Variants in ACSL6 observed in about 807,000 individuals in gnomAD.
ACSL6 encodes acyl-CoA synthetase long chain family member 6, also known as long-chain-fatty-acid--CoA ligase 6.
A neutral mutation model predicts 98.2 loss-of-function variants in ACSL6; 47 were observed. The ratio of observed to expected loss-of-function variants is 0.48; its 90% CI spans 0.38 to 0.61. ACSL6 has a LOEUF of 0.61. Among genes scored for constraint, ACSL6 ranks in the 20% least tolerant of loss-of-function variants. The probability of loss-of-function intolerance (pLI) is 0.00; values close to 1 mark genes in which losing one functional copy is unlikely to be tolerated. For missense variants in ACSL6, 761 were observed against 913.4 expected (o/e 0.83, Z 2.15); for synonymous variants, 362 against 336.9 (o/e 1.07, Z -0.82).
chr5:132,010,948 C>T (rs247000), intron 1 of ACSL6, among the ~76,000 whole-genome samples: 55,993 of 151,936 alleles, frequency 0.37, 11,592 homozygotes, highest in South Asian at 0.66. Context: ...ACAGTGGAGA[C>T]ACAGCAGCCC....
intron 1 of ACSL6, chr5:132,003,566 G>A (rs1246508097): frequency 1.3e-5 from 2 of 152,394 alleles, no homozygotes; most frequent in East Asian, 1.9e-4. Context: ...CACATGAAAG[G>A]GTTTGTATTC....
chr5:131,976,214 G>T (rs1241698223), intron 10 of ACSL6: 1 of 985,274 alleles, frequency 1.0e-6, no homozygotes, highest in Non-Finnish European at 1.2e-6. Flanking sequence ...ATTAGCAGTT[G>T]CCGTTGTTTC....
intron 8 of ACSL6, among the ~76,000 whole-genome samples, chr5:131,985,943 G>A (rs967080460): frequency 2.0e-5 from 3 of 152,234 alleles, no homozygotes; most frequent in Admixed American, 6.5e-5. Context: ...ATCAGCCCTT[G>A]CCCTGGCACT....
At chr5:131,996,625 G>A (rs1381409298) in intron 1 of ACSL6, among the ~76,000 whole-genome samples, 1 of 152,222 alleles carries the variant, frequency 6.6e-6, no homozygotes, top group African/African-American at 2.4e-5. Flanking sequence ...ACCAGTCCCT[G>A]GTCCTTGGCA....
Position 131,994,148 on chromosome 5 carries a change from C to T in ACSL6, c.153G>A (p.Ser51=), listed in dbSNP as rs150110457. Reference sequence around the variant, plus strand: ...CACCCATACTCACGAGGGTGGTGGCCGAGAGGCTGCGGAAAAACTGTCCCA... The same window carrying T: ...CACCCATACTCACGAGGGTGGTGGCTGAGAGGCTGCGGAAAAACTGTCCCA... The part of the protein sequence containing the change: ...GDLGQFFRSL[S]ATTLVSMGAL... The change falls in exon 2 of 21, where the codon TCG becomes TCA. Residue 51 remains serine (S), a synonymous_variant. Coordinates refer to ENST00000651883, the MANE Select transcript of ACSL6 (RefSeq NM_001009185.3). 8.9e-4 allele frequency: 1,442 copies of T among 1,614,152 alleles called. 5 individuals are homozygous for T. The African/African-American group carries it at 0.018, about 20-fold the overall frequency.
At chr5:131,954,416 A>G in intron 20 of ACSL6, 45 bp from the exon 21 acceptor site, 1 of 1,579,278 alleles carries the variant, frequency 6.3e-7, no homozygotes, top group Non-Finnish European at 8.6e-7. Flanking sequence ...AATAGAACAC[A>G]GTATTTATAG....
At chr5:131,956,801 A>T (rs1752431792) in intron 20 of ACSL6, among the ~76,000 whole-genome samples, 1 of 152,198 alleles carries the variant, frequency 6.6e-6, no homozygotes, top group Non-Finnish European at 1.5e-5. Context: ...AAAAAAAGGT[A>T]TGAGAGTCCT....
intron 9 of ACSL6, among the ~76,000 whole-genome samples, chr5:131,979,539 G>A (rs1214800263): frequency 6.6e-6 from 1 of 152,226 alleles, no homozygotes; most frequent in Non-Finnish European, 1.5e-5. Flanking sequence ...CCAGCATGAT[G>A]AGAAAAGTTC....
At chr5:131,992,684 CCT>C (rs760399949) in intron 2 of ACSL6, among the ~76,000 whole-genome samples, 7 of 152,178 alleles carry the variant, frequency 4.6e-5, no homozygotes, top group Non-Finnish European at 7.3e-5. Flanking sequence ...TACGCTTGCC[CCT>C]GTCACACCCA....
intron 8 of ACSL6, 84 bp from the exon 9 acceptor site, chr5:131,985,542 A>T: frequency 1.4e-6 from 2 of 1,436,978 alleles, no homozygotes; most frequent in Non-Finnish European, 1.9e-6. Flanking sequence ...CCAACCAGCC[A>T]GGCCCATATG....
chr5:131,986,882 T>G (rs1483027837), intron 7 of ACSL6, 28 bp from the exon 8 acceptor site: 2 of 1,613,778 alleles, frequency 1.2e-6, no homozygotes, highest in Admixed American at 3.3e-5. Flanking sequence ...TGTTTTTAAA[T>G]GCTCAAAAGT....
At chr5:131,957,923 C>G (rs1208665160) in intron 20 of ACSL6, among the ~76,000 whole-genome samples, 1 of 152,170 alleles carries the variant, frequency 6.6e-6, no homozygotes, top group Non-Finnish European at 1.5e-5. Flanking sequence ...AGGCGACAGC[C>G]TTGGCAATAA....
At chr5:131,970,985 GA>G (rs1753275147) in intron 14 of ACSL6, among the ~76,000 whole-genome samples, 1 of 152,126 alleles carries the variant, frequency 6.6e-6, no homozygotes, top group South Asian at 2.1e-4. Flanking sequence ...TTCTAAAGCA[GA>G]AAAATTTAAG....
rs1408871596 is a variant in ACSL6, at chr5:131,950,157, T to A, written c.*4077A>T. 1.0e-5 allele frequency: 2 copies of A among 192,884 alleles called. No individual in the cohort carries two copies. The highest frequency in any genetic ancestry group is 2.3e-5 in the African/African-American group (1 of 43,044). 11.9% of individuals were successfully genotyped at this position (192,884 alleles called of 1,614,324 possible). A position where few individuals can be genotyped will look rare whatever the true frequency, so the allele number is the denominator to read the frequency against. ...AAAAATTGAAAGTGGAATAAGCAAT[T>A]CTTCAAAAAATATCCATTCTCCCCC... is the stretch of plus-strand genomic sequence containing the variant. On this transcript the variant is annotated 3_prime_UTR_variant, in exon 21 of 21. Coordinates refer to ENST00000651883, the MANE Select transcript of ACSL6 (RefSeq NM_001009185.3).
chr5:131,998,765 C>T (rs1417073780), intron 1 of ACSL6, among the ~76,000 whole-genome samples: 2 of 152,210 alleles, frequency 1.3e-5, no homozygotes, highest in African/African-American at 4.8e-5. Flanking sequence ...CTAACAGGTG[C>T]TTGCCCTGTT....
At chr5:131,987,862 A>G (rs1400836606) in intron 7 of ACSL6, among the ~76,000 whole-genome samples, 186 bp downstream of exon 7, 2 of 152,116 alleles carry the variant, frequency 1.3e-5, no homozygotes, top group African/African-American at 4.8e-5. Context: ...CTCCTAGAGG[A>G]TGCCTGTGGG....
chr5:131,986,675 TG>T, intron 8 of ACSL6, 146 bp downstream of exon 8: 1 of 972,276 alleles, frequency 1.0e-6, no homozygotes, highest in Non-Finnish European at 1.6e-6. Flanking sequence ...ACAGAAGTCC[TG>T]GACACTCAAG....
At chr5:132,005,162 A>T (rs576165224) in intron 1 of ACSL6, among the ~76,000 whole-genome samples, 6 of 152,196 alleles carry the variant, frequency 3.9e-5, no homozygotes, top group Non-Finnish European at 8.8e-5. Flanking sequence ...CAAAAAAAAG[A>T]AAAAAGAAAA....
intron 18 of ACSL6, among the ~76,000 whole-genome samples, 199 bp downstream of exon 18, chr5:131,962,336 T>C (rs1375546751): frequency 6.6e-6 from 1 of 152,218 alleles, no homozygotes; most frequent in African/African-American, 2.4e-5. Flanking sequence ...GGAATGTTCA[T>C]TAGTACTACT....
Sources: gnomAD v4.1 joint callset for allele counts (sites outside exome capture counted in the v4.1 genomes callset) on GRCh38, gnomAD v4.1.1 for gene constraint, MANE v1.5 for transcripts, NCBI Gene and HGNC (gene_info 2026-07-23, HGNC 2026-07-21) for gene names.